PTPN21: variants seen among roughly 807,000 people sequenced by gnomAD.
PTPN21 encodes protein tyrosine phosphatase non-receptor type 21, also known as tyrosine-protein phosphatase non-receptor type 21.
In PTPN21, 77 loss-of-function variants were observed where a neutral mutation model predicts 131.8. That is an observed-to-expected ratio of 0.58 (90% CI 0.49 to 0.71). The LOEUF is 0.71. Ranked by LOEUF, PTPN21 falls within the 30% of genes least tolerant of loss-of-function variation. The probability of loss-of-function intolerance (pLI) is 0.00; values close to 1 mark genes in which losing one functional copy is unlikely to be tolerated. For synonymous variants in PTPN21, 715 were observed against 621.3 expected, an observed-to-expected ratio of 1.15 and a Z score of -2.24; for missense variants, 1,552 against 1,527.1, an observed-to-expected ratio of 1.02 and a Z score of -0.27.
Position 88,554,957 on chromosome 14 carries a change from G to C in PTPN21, c.-509C>G, listed in dbSNP as rs1355932633. Among the ~76,000 whole-genome samples the C allele has an allele frequency of 5.9e-5, 9 of 151,596 alleles. No individual in the cohort carries two copies. Among genetic ancestry groups the C allele is most frequent in the Non-Finnish European group, 7.4e-5 (5 of 67,836 alleles). On this transcript the variant is annotated 5_prime_UTR_variant, in exon 1 of 19. Transcript: ENST00000556564. ...TGGCAGGAGGACGGACAGACCGTCG[G>C]ACCGACGCGGGACGCGCGGCCGGAG...
rs376146786 is a variant in PTPN21 at position 88,479,133 on chromosome 14, G to A, written c.2298C>T (p.Asp766=). ...HILEPKAHVP[D]AEKRMMDSSP... is the part of the protein sequence containing the mutation. Reference sequence around the variant, plus strand: ...TGCTGTCCATCATCCTCTTCTCCGCGTCTGGGACGTGGGCCTTGGGCTCCA... The same window carrying A: ...TGCTGTCCATCATCCTCTTCTCCGCATCTGGGACGTGGGCCTTGGGCTCCA... Residue 766 remains aspartate (D), a synonymous_variant, in exon 13 of 19, where the codon GAC becomes GAT. Coordinates refer to ENST00000556564, the MANE Select transcript of PTPN21 (RefSeq NM_007039.4). The A allele has an allele frequency of 9.0e-6, 14 of 1,554,208 alleles. No homozygotes were observed. Among genetic ancestry groups the A allele is most frequent in the Admixed American group, 2.0e-5 (1 of 51,080 alleles).
intron 2 of PTPN21, among the ~76,000 whole-genome samples, chr14:88,518,840 G>T (rs2078345352): frequency 6.6e-6 from 1 of 151,960 alleles, no homozygotes; most frequent in South Asian, 2.1e-4. Flanking sequence ...TTCTATAAAA[G>T]AAATTATTTC....
At chr14:88,481,376 T>C (rs902685739) in intron 12 of PTPN21, among the ~76,000 whole-genome samples, 9 of 152,152 alleles carry the variant, frequency 5.9e-5, no homozygotes, top group East Asian at 1.9e-4. Context: ...TATGCAAAGC[T>C]TGGTCATGGC....
chr14:88,501,908 C>G (rs2078014406), intron 6 of PTPN21, among the ~76,000 whole-genome samples: 1 of 151,788 alleles, frequency 6.6e-6, no homozygotes, highest in East Asian at 1.9e-4. Flanking sequence ...CTGCTTGAGC[C>G]CAGGAGTTCA....
intron 2 of PTPN21, among the ~76,000 whole-genome samples, chr14:88,534,485 T>C (rs758129563): frequency 4.6e-5 from 7 of 152,130 alleles, no homozygotes; most frequent in Non-Finnish European, 7.3e-5. Context: ...AGCTGTACAA[T>C]GTGTCTGTGT....
At chr14:88,537,033 GTTTAAT>G (rs1274909284) in intron 2 of PTPN21, among the ~76,000 whole-genome samples, 1 of 151,962 alleles carries the variant, frequency 6.6e-6, no homozygotes, top group African/African-American at 2.4e-5. Context: ...TTCCTTTTCT[GTTTAAT>G]TTTAATCAGT....
intron 1 of PTPN21, chr14:88,551,285 G>T (rs1229756872): frequency 1.3e-5 from 2 of 152,308 alleles, no homozygotes; most frequent in Non-Finnish European, 2.9e-5. Flanking sequence ...CCCTCTCCAG[G>T]GTGGGGACGC....
intron 2 of PTPN21, among the ~76,000 whole-genome samples, chr14:88,527,183 T>G (rs2078491791): frequency 6.6e-6 from 1 of 152,216 alleles, no homozygotes; most frequent in East Asian, 1.9e-4. Context: ...GTAGTGGGAT[T>G]GCTGGATCAA....
At chr14:88,520,846 T>C (rs2078378950) in intron 2 of PTPN21, among the ~76,000 whole-genome samples, 1 of 152,130 alleles carries the variant, frequency 6.6e-6, no homozygotes, top group South Asian at 2.1e-4. Flanking sequence ...TAGAAAACCA[T>C]TATATTTTAT....
intron 10 of PTPN21, among the ~76,000 whole-genome samples, chr14:88,493,942 C>T (rs1044462074): frequency 1.1e-4 from 16 of 152,166 alleles, no homozygotes; most frequent in Non-Finnish European, 1.8e-4. Flanking sequence ...CCTTGCTTGG[C>T]ATGGGGAATA....
intron 13 of PTPN21, among the ~76,000 whole-genome samples, chr14:88,474,705 G>A (rs2077524129): frequency 6.6e-6 from 1 of 152,160 alleles, no homozygotes; most frequent in Non-Finnish European, 1.5e-5. Context: ...CATGACACCA[G>A]GAGGATAGGA....
rs576717816 is a variant in PTPN21, at chr14:88,548,842, G to A, written c.180+1396C>T. Among the ~76,000 whole-genome samples the A allele has an allele frequency of 1.9e-3, 294 of 152,226 alleles. 4 individuals carry two copies. Among genetic ancestry groups the A allele is most frequent in the African/African-American group, 6.7e-3 (280 of 41,528 alleles). On this transcript the variant is annotated intron_variant, in intron 2 of 18. Coordinates refer to ENST00000556564, the MANE Select transcript of PTPN21 (RefSeq NM_007039.4). ...TTTAAGACATTATATGGATACATGA[G>A]TACTCCATAACTTCCTACCAACTAG... is the stretch of plus-strand genomic sequence containing the variant.
At chr14:88,500,146 A>G (rs935247351) in intron 8 of PTPN21, among the ~76,000 whole-genome samples, 1 of 132,452 alleles carries the variant, frequency 7.5e-6, no homozygotes, top group African/African-American at 3.1e-5. Context: ...CATAGGAAAG[A>G]GCCCTTCAGG....
chr14:88,519,521 G>A (rs1342356501), intron 2 of PTPN21, among the ~76,000 whole-genome samples: 2 of 152,170 alleles, frequency 1.3e-5, no homozygotes, highest in African/African-American at 4.8e-5. Flanking sequence ...CAAGAAAACT[G>A]AGAAATAATA....
At chr14:88,498,240 C>T (rs1193015271) in intron 8 of PTPN21, among the ~76,000 whole-genome samples, 7 of 151,496 alleles carry the variant, frequency 4.6e-5, no homozygotes, top group Admixed American at 2.0e-4. Context: ...TGTGCCACTG[C>T]ATGCCAGTCT....
chr14:88,473,596 G>T, intron 14 of PTPN21, 69 bp downstream of exon 14: 1 of 1,513,250 alleles, frequency 6.6e-7, no homozygotes, highest in Non-Finnish European at 8.9e-7. Flanking sequence ...AAAATCTCAT[G>T]AAGGCATTTG....
rs775082475 is a variant in PTPN21, at chr14:88,485,051, G to C, written c.1078+25C>G. On this transcript the variant is annotated intron_variant, in intron 12 of 18. Coordinates refer to ENST00000556564, the MANE Select transcript of PTPN21 (RefSeq NM_007039.4). ...TTATCCATAGTCATAACTATGTAAG[G>C]CATGGCAGAAACAGTGTACTTTACC... The C allele has an allele frequency of 2.6e-6, 4 of 1,515,822 alleles. No homozygotes were observed. In the Admixed American group the frequency reaches 6.7e-5, roughly 25 times the overall value. 93.9% of individuals were successfully genotyped at this position (1,515,822 alleles called of 1,614,324 possible). A position where few individuals can be genotyped will look rare whatever the true frequency, so the allele number is the denominator to read the frequency against.
chr14:88,478,249 T>A (rs910047793), intron 13 of PTPN21, among the ~76,000 whole-genome samples: 13 of 152,208 alleles, frequency 8.5e-5, no homozygotes, highest in Non-Finnish European at 1.5e-4. Context: ...TTAATTCATA[T>A]TTATTTATTA....
intron 2 of PTPN21, among the ~76,000 whole-genome samples, chr14:88,524,659 C>A (rs1595399925): frequency 6.6e-6 from 1 of 152,144 alleles, no homozygotes; most frequent in East Asian, 1.9e-4. Context: ...GTAATCCTAG[C>A]ACTTTAGGAG....
Sources: gnomAD v4.1 joint callset for allele counts (sites outside exome capture counted in the v4.1 genomes callset) on GRCh38, gnomAD v4.1.1 for gene constraint, MANE v1.5 for transcripts, NCBI Gene and HGNC (gene_info 2026-07-23, HGNC 2026-07-21) for gene names.